Variants in PEBP4 observed in about 807,000 individuals in gnomAD.
The protein encoded by PEBP4 is phosphatidylethanolamine-binding protein 4.
A neutral mutation model predicts 23.9 loss-of-function variants in PEBP4; 22 were observed. That is an observed-to-expected ratio of 0.92 (90% CI 0.66 to 1.31). The LOEUF (loss-of-function observed/expected upper bound fraction) is 1.31. PEBP4 is among the 40% of genes most tolerant of loss of function. The probability of loss-of-function intolerance (pLI) is 0.00; values close to 1 mark genes in which losing one functional copy is unlikely to be tolerated. For synonymous variants in PEBP4, 112 were observed against 99.3 expected (o/e 1.13, Z -0.76); for missense variants, 324 against 281.7 (o/e 1.15, Z -1.07).
chr8:22,723,206 G>A (rs537402807), intron 6 of PEBP4, among the ~76,000 whole-genome samples: 1 of 152,110 alleles, frequency 6.6e-6, no homozygotes, highest in African/African-American at 2.4e-5. Context: ...CAGGCCCAGC[G>A]CGTTTTGGCT....
At chr8:22,897,300 G>A (rs918951886) in intron 3 of PEBP4, among the ~76,000 whole-genome samples, 1 of 152,158 alleles carries the variant, frequency 6.6e-6, no homozygotes, top group African/African-American at 2.4e-5. Context: ...ACACTGCAAC[G>A]GGATGTGATG....
Position 22,915,030 on chromosome 8 carries a change from G to A in PEBP4, c.258+5154C>T, listed in dbSNP as rs562748113. Among the ~76,000 whole-genome samples the A allele has an allele frequency of 3.9e-5, 6 of 152,092 alleles. No individual in the cohort carries two copies. In the South Asian group the frequency reaches 1.3e-3, roughly 32 times the overall value. On this transcript the variant is annotated intron_variant, in intron 3 of 6. Coordinates refer to ENST00000256404, the MANE Select transcript of PEBP4 (RefSeq NM_144962.3). ...CAACCTCATTGTTACCCACTCGCCTGCTCATCACAGAAACCCGAGGGTCAT... is the reference window on the plus strand; with the variant it reads ...CAACCTCATTGTTACCCACTCGCCTACTCATCACAGAAACCCGAGGGTCAT...
chr8:22,753,280 C>T (rs543983348), intron 4 of PEBP4, among the ~76,000 whole-genome samples: 2 of 152,276 alleles, frequency 1.3e-5, no homozygotes, highest in African/African-American at 2.4e-5. Context: ...GCTCAGGAGT[C>T]AGGAGGGAGC....
At chr8:22,727,469 C>T (rs549186137) in intron 4 of PEBP4, among the ~76,000 whole-genome samples, 12 of 152,064 alleles carry the variant, frequency 7.9e-5, no homozygotes, top group African/African-American at 2.9e-4. Flanking sequence ...GACAGACACA[C>T]GTATTGCTGA....
chr8:22,898,957 A>G (rs1808653557), intron 3 of PEBP4, among the ~76,000 whole-genome samples: 1 of 152,186 alleles, frequency 6.6e-6, no homozygotes, highest in South Asian at 2.1e-4. Context: ...TCCCTTTGCT[A>G]GTCCCTGCTG....
intron 4 of PEBP4, among the ~76,000 whole-genome samples, chr8:22,743,260 G>C (rs943679248): frequency 1.3e-5 from 2 of 151,958 alleles, no homozygotes; most frequent in Admixed American, 1.3e-4. Flanking sequence ...TGACCTCCTG[G>C]GCAGGACCTC....
At chr8:22,813,385 C>G (rs1220670190) in intron 4 of PEBP4, among the ~76,000 whole-genome samples, 1 of 152,194 alleles carries the variant, frequency 6.6e-6, no homozygotes, top group Non-Finnish European at 1.5e-5. Flanking sequence ...ACTCTTGTCT[C>G]CTTAATTGTT....
intron 4 of PEBP4, among the ~76,000 whole-genome samples, chr8:22,730,651 T>C (rs954961923): frequency 6.6e-6 from 1 of 152,144 alleles, no homozygotes; most frequent in Non-Finnish European, 1.5e-5. Flanking sequence ...GGGAGAAACC[T>C]GTAGTTTTGA....
Position 22,927,637 on chromosome 8 carries a change from C to A in PEBP4, c.78G>T (p.Glu26Asp), listed in dbSNP as rs899586369. 1 of 1,613,962 alleles carries A rather than the reference C, an allele frequency of 6.2e-7. No homozygotes were observed. Among genetic ancestry groups the A allele is most frequent in the African/African-American group, 1.3e-5 (1 of 74,942 alleles). The change falls in exon 2 of 7, where the codon GAG becomes GAT. Residue 26 changes from glutamate to aspartate, a missense_variant. By Grantham distance (45) the Glu-to-Asp change is conservative. Transcript: ENST00000256404. The stretch of plus-strand genomic sequence containing the variant: ...GGGCCTCATGGGCACACGGGCTGTT[C>A]TCATCCTCGTCTCCAGTGACCACCA... ...LMMVVTGDED[E>D]NSPCAHEALL...
At chr8:22,839,860 C>G (rs1230871896) in intron 3 of PEBP4, among the ~76,000 whole-genome samples, 2 of 151,320 alleles carry the variant, frequency 1.3e-5, no homozygotes, top group African/African-American at 4.9e-5. Context: ...TCGCCCAAAC[C>G]CCAATTGGAA....
At chr8:22,774,386 A>C (rs1805774894) in intron 4 of PEBP4, among the ~76,000 whole-genome samples, 1 of 152,230 alleles carries the variant, frequency 6.6e-6, no homozygotes, top group African/African-American at 2.4e-5. Flanking sequence ...AACCCAAAGA[A>C]ATGAGTCACT....
chr8:22,873,650 G>A (rs1165012504), intron 3 of PEBP4, among the ~76,000 whole-genome samples: 8 of 152,072 alleles, frequency 5.3e-5, no homozygotes, highest in Non-Finnish European at 1.0e-4. Context: ...ACAAACAATC[G>A]AACAAAGTAA....
intron 4 of PEBP4, among the ~76,000 whole-genome samples, chr8:22,793,810 A>C (rs562603754): frequency 2.6e-5 from 4 of 152,294 alleles, no homozygotes; most frequent in African/African-American, 9.6e-5. Flanking sequence ...ACATTTCTAG[A>C]AGGAGATTGT....
At chr8:22,890,366 T>G (rs1282645045) in intron 3 of PEBP4, among the ~76,000 whole-genome samples, 2 of 152,196 alleles carry the variant, frequency 1.3e-5, no homozygotes, top group African/African-American at 4.8e-5. Context: ...GGACCACACT[T>G]TGGGCAGCGA....
Position 22,927,581 on chromosome 8 carries a change from T to C in PEBP4, c.131+3A>G. ...TCCCGCCTCCAAGCCTGCCCTGACT[T>C]ACTGGCAAAAGAGGGTGTCCTCGTC... On this transcript the variant is annotated splice_donor_region_variant and intron_variant, in intron 2 of 6. Coordinates refer to ENST00000256404, the MANE Select transcript of PEBP4 (RefSeq NM_144962.3). 6.2e-7 allele frequency: 1 copy of C among 1,608,816 alleles called. No homozygotes were observed. The highest frequency in any genetic ancestry group is 8.5e-7 in the Non-Finnish European group (1 of 1,177,296).
chr8:22,848,746 C>T (rs924090770), intron 3 of PEBP4, among the ~76,000 whole-genome samples: 11 of 152,146 alleles, frequency 7.2e-5, no homozygotes, highest in Non-Finnish European at 1.0e-4. Context: ...TTCCTTTCTT[C>T]TGCTGTGTTT....
Position 22,920,211 on chromosome 8 carries a change from C to G in PEBP4, c.231G>C (p.Pro77=). Residue 77 remains proline, a synonymous_variant, in exon 3 of 7, where the codon CCG becomes CCC. Transcript: ENST00000256404. ...YRQKITSWME[P]IVKFPGAVDG... is the part of the protein sequence containing the mutation. ...CCACGGCCCCCGGGAACTTGACTAT[C>G]GGCTCCATCCAGGAGGTGATCTTCT... 6.2e-7 allele frequency: 1 copy of G among 1,613,078 alleles called. No homozygotes were observed.
chr8:22,806,946 G>C (rs1479470757), intron 4 of PEBP4, among the ~76,000 whole-genome samples: 1 of 152,212 alleles, frequency 6.6e-6, no homozygotes. Context: ...TGTTTTTGGT[G>C]AATCTATGCT....
intron 3 of PEBP4, among the ~76,000 whole-genome samples, chr8:22,889,681 AATAT>A (rs1563250836): frequency 4.6e-4 from 4 of 8,698 alleles, no homozygotes; most frequent in Admixed American, 3.8e-3. Context: ...AAAGTGCAGA[AATAT>A]GTTTTTATAA....
Sources: allele counts gnomAD v4.1 joint callset (sites outside exome capture counted in the v4.1 genomes callset), GRCh38; gene constraint gnomAD v4.1.1; transcripts MANE v1.5; gene names NCBI Gene and HGNC (gene_info 2026-07-23, HGNC 2026-07-21).